Variants in MAX observed in about 807,000 individuals in gnomAD.
MAX encodes MYC associated transcriptional regulator X.
In MAX, 3 loss-of-function variants were observed where a neutral mutation model predicts 22.3. The ratio of observed to expected loss-of-function variants is 0.13; its 90% CI spans 0.06 to 0.35. MAX has a LOEUF of 0.35. Among genes scored for constraint, MAX ranks in the 10% least tolerant of loss-of-function variants. The pLI is 1.00. For synonymous variants in MAX, 72 were observed against 77.7 expected (o/e 0.93, Z 0.39); for missense variants, 119 against 209.4 (o/e 0.57, Z 2.66).
chr14:65,010,744 T>TG (rs2061669388), intron 3 of MAX, among the ~76,000 whole-genome samples: 1 of 152,132 alleles, frequency 6.6e-6, no homozygotes, highest in South Asian at 2.1e-4. Context: ...GATCCTTGTT[T>TG]TTTTGTTTGT....
chr14:65,093,960 G>A lies in MAX; in HGVS notation c.64-145C>T. The A allele has an allele frequency of 1.4e-6, 1 of 703,004 alleles. No individual in the cohort carries two copies. The highest frequency in any genetic ancestry group is 1.5e-5 in the South Asian group (1 of 67,502). 43.5% of individuals were successfully genotyped at this position (703,004 alleles called of 1,614,324 possible). A position where few individuals can be genotyped will look rare whatever the true frequency, so the allele number is the denominator to read the frequency against. ...AGGATTTCTCGAGGTGGGCAGTTAG[G>A]AGTCTCCAGAATTAGGCTCTGCTAA... On this transcript the variant is annotated intron_variant, in intron 2 of 4. Transcript: ENST00000358664. The surrounding 1 kb of genome is among the most constrained non-coding windows in gnomAD (Gnocchi z 4.4).
intron 3 of MAX, among the ~76,000 whole-genome samples, chr14:65,056,353 C>T (rs1240333930): frequency 6.6e-6 from 1 of 152,126 alleles, no homozygotes; most frequent in African/African-American, 2.4e-5. Flanking sequence ...TTGCAGTGAA[C>T]GTTGTGGTAT....
chr14:65,037,954 G>A (rs773138310), intron 3 of MAX, among the ~76,000 whole-genome samples: 1 of 150,604 alleles, frequency 6.6e-6, no homozygotes, highest in Admixed American at 6.6e-5. Flanking sequence ...TAATTTTTAC[G>A]GGGTTTCGCC....
At chr14:65,067,628 T>TG (rs1273270523) in intron 3 of MAX, among the ~76,000 whole-genome samples, 4 of 151,638 alleles carry the variant, frequency 2.6e-5, no homozygotes, top group African/African-American at 9.7e-5. Context: ...GGTTTATGTT[T>TG]TTTTTTTTTT....
chr14:65,023,822 C>T lies in MAX; in HGVS notation c.172-17538G>A, dbSNP rs1029456095. 1.3e-5 allele frequency among the ~76,000 whole-genome samples: 2 copies of T among 152,172 alleles called. No homozygotes were observed. Among genetic ancestry groups the T allele is most frequent in the Non-Finnish European group, 2.9e-5 (2 of 68,034 alleles). On this transcript the variant is annotated intron_variant, in intron 3 of 3. Transcript: ENST00000341653. This position sits in a 1 kb window ranked among gnomAD's most constrained non-coding sequence, Gnocchi z 4.1. Reference sequence around the variant, plus strand: ...CTTATTAGAAATGAGGACTCTCAGCCGGGCATGGTGGCTCACGCCTGTAAT... The same window carrying T: ...CTTATTAGAAATGAGGACTCTCAGCTGGGCATGGTGGCTCACGCCTGTAAT...
At position 65,094,266 on chromosome 14, in the gene MAX, A is replaced by G. The variant is rs72728280; in HGVS notation, c.64-451T>C. 932 of 240,120 alleles carry G rather than the reference A, an allele frequency of 3.9e-3. 4 individuals carry two copies. The highest frequency in any genetic ancestry group is 6.0e-3 in the Non-Finnish European group (714 of 119,636). 14.9% of individuals were successfully genotyped at this position (240,120 alleles called of 1,614,324 possible). A position where few individuals can be genotyped will look rare whatever the true frequency, so the allele number is the denominator to read the frequency against. Reference sequence around the variant, plus strand: ...GTCCAGGGGAAGAAAGAGTTAAGTCACTGGTGCTTCTTTAATGTGAAACCA... The same window carrying G: ...GTCCAGGGGAAGAAAGAGTTAAGTCGCTGGTGCTTCTTTAATGTGAAACCA... On this transcript the variant is annotated intron_variant, in intron 2 of 4. Transcript: ENST00000358664.
chr14:65,098,926 C>T (rs1238074380), intron 2 of MAX, among the ~76,000 whole-genome samples: 1 of 152,146 alleles, frequency 6.6e-6, no homozygotes, highest in Admixed American at 6.5e-5. Flanking sequence ...ATAAAACATA[C>T]ATGAATGTTT....
At position 65,011,019 on chromosome 14, in the gene MAX, C is replaced by T. The variant is rs970447532; in HGVS notation, c.172-4735G>A. The stretch of plus-strand genomic sequence containing the variant: ...GATCATTCCTTTCTTCATGAGATAT[C>T]CCCTCCCTTTTGAGCCTCAGTAGTA... On this transcript the variant is annotated intron_variant, in intron 3 of 3. Transcript: ENST00000341653. The surrounding 1 kb of genome is among the most constrained non-coding windows in gnomAD (Gnocchi z 4.0). 6.7e-6 allele frequency among the ~76,000 whole-genome samples: 1 copy of T among 149,674 alleles called. No homozygotes were observed. Among genetic ancestry groups the T allele is most frequent in the Non-Finnish European group, 1.5e-5 (1 of 67,774 alleles).
intron 3 of MAX, among the ~76,000 whole-genome samples, chr14:65,091,350 T>C (rs552775808): frequency 2.3e-4 from 35 of 152,332 alleles, no homozygotes; most frequent in African/African-American, 8.4e-4. Context: ...AGACATTTCC[T>C]TCATTCACTG....
At position 65,015,581 on chromosome 14, in the gene MAX, G is replaced by A. The variant is rs780146704; in HGVS notation, c.172-9297C>T. On this transcript the variant is annotated intron_variant, in intron 3 of 3. Coordinates refer to the MAX transcript ENST00000341653. Reference sequence around the variant, plus strand: ...ACAGCCTTGGCAGCAGTGTCTTGGAGTGATTGTGAATAAGGGATGTTTTCT... The same window carrying A: ...ACAGCCTTGGCAGCAGTGTCTTGGAATGATTGTGAATAAGGGATGTTTTCT... 102 of 1,608,746 alleles carry A rather than the reference G, an allele frequency of 6.3e-5. No individual in the cohort carries two copies. The Admixed American group carries it at 1.7e-3, about 26-fold the overall frequency.
rs1034900425 is a variant in MAX at position 65,028,551 on chromosome 14, A to T, written c.172-22267T>A. Among the ~76,000 whole-genome samples, 2 of 152,242 alleles carry T rather than the reference A, an allele frequency of 1.3e-5. No homozygotes were observed. Among genetic ancestry groups the T allele is most frequent in the African/African-American group, 4.8e-5 (2 of 41,456 alleles). ...TTTGCTTCTACACAAGTTGATTAAT[A>T]GTCTGGCTTAAGCATCTGGTTTAAC... On this transcript the variant is annotated intron_variant, in intron 3 of 3. Coordinates refer to the MAX transcript ENST00000341653. This position sits in a 1 kb window ranked among gnomAD's most constrained non-coding sequence, Gnocchi z 4.4.
intron 3 of MAX, among the ~76,000 whole-genome samples, chr14:65,043,354 C>T (rs185708820): frequency 6.6e-6 from 1 of 152,330 alleles, no homozygotes; most frequent in East Asian, 1.9e-4. Context: ...ACCTATTTTA[C>T]AGCTTCAAAG....
chr14:65,066,040 G>A (rs2062928389), intron 3 of MAX, among the ~76,000 whole-genome samples: 1 of 152,192 alleles, frequency 6.6e-6, no homozygotes. Context: ...GAAGGTGAGA[G>A]GTCTCGGGGA....
Position 65,078,077 on chromosome 14 carries a change from AC to A in MAX, c.172-42del. The A allele has an allele frequency of 6.2e-7, 1 of 1,613,896 alleles. No homozygotes were observed. The highest frequency in any genetic ancestry group is 8.5e-7 in the Non-Finnish European group (1 of 1,179,916). On this transcript the variant is annotated intron_variant, in intron 3 of 4. Coordinates refer to ENST00000358664, the MANE Select transcript of MAX (RefSeq NM_002382.5). This position sits in a 1 kb window ranked among gnomAD's most constrained non-coding sequence, Gnocchi z 6.4. ...AAAAAGCACAGGGGACAAAATAAAA[AC>A]CCAATCCAGGCAGTGAGGGAACCTG...
At position 65,076,014 on chromosome 14, in the gene MAX, C is replaced by T. The variant is rs1022009842; in HGVS notation, c.*462G>A. On this transcript the variant is annotated 3_prime_UTR_variant, in exon 5 of 5. Coordinates refer to ENST00000358664, the MANE Select transcript of MAX (RefSeq NM_002382.5). The surrounding 1 kb of genome is among the most constrained non-coding windows in gnomAD (Gnocchi z 6.6). ...AGGGTTCATTCTGATTACTCCAAAC[C>T]GGTCATCTTCTCAAAGTAGAGCAGT... The T allele has an allele frequency of 2.0e-5, 22 of 1,106,106 alleles. No homozygotes were observed. Among genetic ancestry groups the T allele is most frequent in the East Asian group, 1.8e-4 (4 of 22,306 alleles). 68.5% of individuals were successfully genotyped at this position (1,106,106 alleles called of 1,614,324 possible). A position where few individuals can be genotyped will look rare whatever the true frequency, so the allele number is the denominator to read the frequency against.
chr14:65,077,905 G>C lies in MAX; in HGVS notation c.295+8C>G, dbSNP rs754409025. 6.8e-6 allele frequency: 11 copies of C among 1,614,222 alleles called. No homozygotes were observed. The African/African-American group carries it at 1.1e-4, about 16-fold the overall frequency. ...AGGGCCAGCTGCCCCACGAGCTCGGGTGCTCACCTTGCTGCTCCAGAAGAG... is the reference window on the plus strand; with the variant it reads ...AGGGCCAGCTGCCCCACGAGCTCGGCTGCTCACCTTGCTGCTCCAGAAGAG... On this transcript the variant is annotated splice_region_variant and intron_variant, in intron 4 of 4. Coordinates refer to ENST00000358664, the MANE Select transcript of MAX (RefSeq NM_002382.5). This position sits in a 1 kb window ranked among gnomAD's most constrained non-coding sequence, Gnocchi z 6.3.
Position 65,029,149 on chromosome 14 carries a change from G to T in MAX, c.172-22865C>A, listed in dbSNP as rs1391343286. 6.6e-6 allele frequency among the ~76,000 whole-genome samples: 1 copy of T among 152,146 alleles called. No homozygotes were observed. The highest frequency in any genetic ancestry group is 2.4e-5 in the African/African-American group (1 of 41,420). On this transcript the variant is annotated intron_variant, in intron 3 of 3. Transcript: ENST00000341653. The surrounding 1 kb of genome is among the most constrained non-coding windows in gnomAD (Gnocchi z 4.7). ...ACCTTTGCTCTTTGGGTGATGCTCT[G>T]CCATTCGTGCCCGTGCTTTCTATTT...
chr14:65,037,526 C>G (rs2062229624), intron 3 of MAX, among the ~76,000 whole-genome samples: 1 of 138,470 alleles, frequency 7.2e-6, no homozygotes, highest in Non-Finnish European at 1.5e-5. Context: ...CCTCGACTTT[C>G]CAGGCTCAAG....
chr14:65,088,669 T>G lies in MAX; in HGVS notation c.171+5039A>C, dbSNP rs778415584. On this transcript the variant is annotated intron_variant, in intron 3 of 4. Coordinates refer to ENST00000358664, the MANE Select transcript of MAX (RefSeq NM_002382.5). This position sits in a 1 kb window ranked among gnomAD's most constrained non-coding sequence, Gnocchi z 5.2. ...TTGATGGGGGATTCCTCCCCTCAGT[T>G]AATAAATATTCACTATGCTCCCTAC... Among the ~76,000 whole-genome samples the G allele has an allele frequency of 6.6e-6, 1 of 152,210 alleles. No homozygotes were observed. Among genetic ancestry groups the G allele is most frequent in the African/African-American group, 2.4e-5 (1 of 41,450 alleles).
Sources: gnomAD v4.1 joint callset for allele counts (sites outside exome capture counted in the v4.1 genomes callset) on GRCh38, gnomAD v4.1.1 for gene constraint, Gnocchi (gnomAD v3.1) non-coding constraint, MANE v1.5 for transcripts, NCBI Gene and HGNC (gene_info 2026-07-23, HGNC 2026-07-21) for gene names.